The following PRKG2 variants were observed in gnomAD, a reference collection of about 807,000 sequenced individuals.
The protein encoded by PRKG2 is protein kinase cGMP-dependent 2, also known as cGMP-dependent protein kinase 2.
Under a neutral mutation model 97.2 loss-of-function variants are expected in PRKG2, and 33 were observed. The observed-to-expected ratio is 0.34, with a 90% CI of 0.26 to 0.45. The LOEUF (loss-of-function observed/expected upper bound fraction) is 0.45, where lower values mean the gene tolerates loss of function less well. PRKG2 is among the 20% of genes least tolerant of loss of function. PRKG2 has a pLI of 1.00. For missense variants in PRKG2, 638 were observed against 900.0 expected, an observed-to-expected ratio of 0.71 and a Z score of 3.73; for synonymous variants, 330 against 321.8, an observed-to-expected ratio of 1.03 and a Z score of -0.27.
intron 17 of PRKG2, among the ~76,000 whole-genome samples, chr4:81,098,792 G>C (rs1742393598): frequency 6.6e-6 from 1 of 152,038 alleles, no homozygotes; most frequent in East Asian, 1.9e-4. Context: ...AAAGATCAAT[G>C]ATCACAGATC....
intron 2 of PRKG2, among the ~76,000 whole-genome samples, chr4:81,199,653 A>T (rs531118511): frequency 6.6e-6 from 1 of 152,330 alleles, no homozygotes; most frequent in African/African-American, 2.4e-5. Context: ...GGTGACTGGC[A>T]CATAATTAGT....
At chr4:81,136,804 T>C (rs1211923764) in intron 13 of PRKG2, among the ~76,000 whole-genome samples, 2 of 152,206 alleles carry the variant, frequency 1.3e-5, no homozygotes, top group Admixed American at 6.5e-5. Context: ...ACTGTATACC[T>C]AATCTCCCAA....
chr4:81,111,992 C>T (rs1744037933), intron 14 of PRKG2, among the ~76,000 whole-genome samples: 1 of 152,114 alleles, frequency 6.6e-6, no homozygotes, highest in Non-Finnish European at 1.5e-5. Context: ...ACAAGGTTCA[C>T]ATAACAAAAT....
At chr4:81,119,003 G>A (rs193024323) in intron 14 of PRKG2, among the ~76,000 whole-genome samples, 612 of 152,218 alleles carry the variant, frequency 4.0e-3, no homozygotes, top group Middle Eastern at 6.8e-3. Flanking sequence ...CACCATGTTG[G>A]TCAGGCTGCT....
At chr4:81,144,186 G>A in intron 10 of PRKG2, 46 bp downstream of exon 10, 3 of 1,514,790 alleles carry the variant, frequency 2.0e-6, no homozygotes, top group Non-Finnish European at 2.7e-6. Flanking sequence ...TTATTTATTG[G>A]CTGCCAGAAG....
chr4:81,190,038 A>G (rs982284424), intron 2 of PRKG2, among the ~76,000 whole-genome samples: 1 of 152,222 alleles, frequency 6.6e-6, no homozygotes, highest in Non-Finnish European at 1.5e-5. Context: ...ATCCCCATCA[A>G]GCTACCATTG....
chr4:81,102,907 A>T (rs1240763798), intron 17 of PRKG2, among the ~76,000 whole-genome samples: 5 of 152,272 alleles, frequency 3.3e-5, no homozygotes, highest in African/African-American at 9.6e-5. Flanking sequence ...CAGTGAAAAG[A>T]TCTATAAAGG....
intron 6 of PRKG2, among the ~76,000 whole-genome samples, chr4:81,164,554 C>T (rs937782138): frequency 2.0e-5 from 3 of 151,976 alleles, no homozygotes; most frequent in Admixed American, 6.6e-5. Flanking sequence ...AAGAGGCAGA[C>T]GGTTGCAAAC....
At chr4:81,179,661 T>C (rs1429026919) in intron 2 of PRKG2, among the ~76,000 whole-genome samples, 1 of 152,040 alleles carries the variant, frequency 6.6e-6, no homozygotes, top group Non-Finnish European at 1.5e-5. Flanking sequence ...GTGTAAAATA[T>C]GTAAGAAATA....
intron 17 of PRKG2, among the ~76,000 whole-genome samples, chr4:81,103,964 G>A (rs886862315): frequency 6.6e-6 from 1 of 152,136 alleles, no homozygotes; most frequent in Non-Finnish European, 1.5e-5. Context: ...CCAGGAGGTG[G>A]AGATTGCAAT....
At chr4:81,099,747 C>T (rs925589284) in intron 17 of PRKG2, among the ~76,000 whole-genome samples, 1 of 152,020 alleles carries the variant, frequency 6.6e-6, no homozygotes, top group Non-Finnish European at 1.5e-5. Context: ...AAAGGGTATT[C>T]AATTAGGAAA....
intron 9 of PRKG2, among the ~76,000 whole-genome samples, chr4:81,145,471 CCTTA>C (rs1281945564): frequency 6.6e-6 from 1 of 152,120 alleles, no homozygotes; most frequent in Non-Finnish European, 1.5e-5. Context: ...AATCATTTTA[CCTTA>C]CTTTAGTAGT....
chr4:81,124,784 C>A (rs1745395057), intron 14 of PRKG2, among the ~76,000 whole-genome samples: 1 of 152,104 alleles, frequency 6.6e-6, no homozygotes, highest in Non-Finnish European at 1.5e-5. Context: ...AATTCCTGAC[C>A]CACAGAAACC....
intron 14 of PRKG2, among the ~76,000 whole-genome samples, chr4:81,121,068 T>C (rs1348380461): frequency 2.0e-5 from 3 of 152,204 alleles, no homozygotes; most frequent in Non-Finnish European, 4.4e-5. Context: ...TGCTTTTTTT[T>C]CAGCCTGCTG....
chr4:81,155,954 G>C (rs563829127), intron 6 of PRKG2, among the ~76,000 whole-genome samples: 12 of 151,912 alleles, frequency 7.9e-5, no homozygotes, highest in African/African-American at 2.7e-4. Flanking sequence ...AGGAACAACC[G>C]GTACCAGCCA....
intron 4 of PRKG2, 36 bp from the exon 5 acceptor site, chr4:81,169,804 T>G (rs770586885): frequency 6.0e-6 from 8 of 1,333,416 alleles, no homozygotes; most frequent in Admixed American, 4.3e-5. Flanking sequence ...AAACACTTAG[T>G]ACAACATTGT....
At chr4:81,162,852 T>G (rs1578448442) in intron 6 of PRKG2, among the ~76,000 whole-genome samples, 1 of 152,286 alleles carries the variant, frequency 6.6e-6, no homozygotes, top group East Asian at 1.9e-4. Context: ...CAGTCTGCTC[T>G]TCAAGCTCTC....
At chr4:81,100,917 A>T (rs1742681675) in intron 17 of PRKG2, among the ~76,000 whole-genome samples, 2 of 152,218 alleles carry the variant, frequency 1.3e-5, no homozygotes, top group African/African-American at 4.8e-5. Context: ...ATATGAACAG[A>T]CACTTCTCAA....
chr4:81,092,370 A>G lies in PRKG2; in HGVS notation c.2193+16T>C. On this transcript the variant is annotated intron_variant, in intron 18 of 18. Coordinates refer to ENST00000264399, the MANE Select transcript of PRKG2 (RefSeq NM_006259.3). ...CCTGGGAAAAAAATAAAAAAGTAAT[A>G]TAATAAATACAATACCTCTCTTTGC... is the stretch of plus-strand genomic sequence containing the variant. 3.3e-6 allele frequency: 5 copies of G among 1,497,822 alleles called. No homozygotes were observed. In the South Asian group the frequency reaches 5.1e-5, roughly 15 times the overall value. The allele number at this position is 1,497,822 out of a possible 1,614,324, so 92.8% of individuals were successfully genotyped here. A position where few individuals can be genotyped will look rare whatever the true frequency, so the allele number is the denominator to read the frequency against.
Sources: allele counts gnomAD v4.1 joint callset (sites outside exome capture counted in the v4.1 genomes callset), GRCh38; gene constraint gnomAD v4.1.1; transcripts MANE v1.5; gene names NCBI Gene and HGNC (gene_info 2026-07-23, HGNC 2026-07-21).